The following IL1RAPL1 variants were observed in gnomAD, a reference collection of about 807,000 sequenced individuals.
The protein encoded by IL1RAPL1 is interleukin-1 receptor accessory protein-like 1.
A neutral mutation model predicts 48.4 loss-of-function variants in IL1RAPL1; 3 were observed. The observed-to-expected ratio is 0.06, with a 90% CI of 0.03 to 0.16. The LOEUF (loss-of-function observed/expected upper bound fraction) is 0.16, where lower values mean the gene tolerates loss of function less well. Among genes scored for constraint, IL1RAPL1 ranks in the 10% least tolerant of loss-of-function variants. The pLI is 1.00. For synonymous variants in IL1RAPL1, 185 were observed against 187.7 expected, an observed-to-expected ratio of 0.99 and a Z score of 0.12; for missense variants, 349 against 530.6, an observed-to-expected ratio of 0.66 and a Z score of 3.36.
At chrX:28,659,476 G>A (rs1182954443) in intron 1 of IL1RAPL1, 1 of 505,696 alleles carries the variant, frequency 2.0e-6, no homozygotes, top group Non-Finnish European at 3.6e-6. Context: ...CCATGATATA[G>A]AGACCTCCTT....
intron 5 of IL1RAPL1, among the ~76,000 whole-genome samples, chrX:29,586,278 C>T (rs1337545204): frequency 9.0e-6 from 1 of 111,236 alleles, no homozygotes; most frequent in Non-Finnish European, 1.9e-5. Flanking sequence ...ATCTAGTTTC[C>T]CCAATATCAT....
At chrX:29,161,395 G>A (rs1372042938) in intron 2 of IL1RAPL1, among the ~76,000 whole-genome samples, 1 of 111,932 alleles carries the variant, frequency 8.9e-6, no homozygotes, top group Non-Finnish European at 1.9e-5. Context: ...TGTTCCAATT[G>A]CTTGATGATT....
At chrX:29,356,807 G>A (rs892010080) in intron 3 of IL1RAPL1, among the ~76,000 whole-genome samples, 1 of 111,351 alleles carries the variant, frequency 9.0e-6, no homozygotes, top group Non-Finnish European at 1.9e-5. Flanking sequence ...CGTGTTATAG[G>A]TAAATATCTA....
At chrX:29,589,943 C>T (rs988948921) in intron 5 of IL1RAPL1, among the ~76,000 whole-genome samples, 2 of 110,871 alleles carry the variant, frequency 1.8e-5, no homozygotes, top group Non-Finnish European at 3.8e-5. Flanking sequence ...GAAGGGGGAG[C>T]GGACACGTCA....
At chrX:29,310,119 A>G (rs1569282277) in intron 3 of IL1RAPL1, among the ~76,000 whole-genome samples, 1 of 89,650 alleles carries the variant, frequency 1.1e-5, no homozygotes, top group East Asian at 3.3e-4. Context: ...AAAAAAAAAA[A>G]AAAAAAAAAA....
At chrX:29,208,900 C>T (rs1050905886) in intron 2 of IL1RAPL1, among the ~76,000 whole-genome samples, 1 of 109,823 alleles carries the variant, frequency 9.1e-6, no homozygotes, top group Non-Finnish European at 1.9e-5. Context: ...CATTTTTGGC[C>T]AACTTCCTGC....
intron 3 of IL1RAPL1, among the ~76,000 whole-genome samples, chrX:29,350,040 G>A (rs1481347576): frequency 9.5e-6 from 1 of 105,374 alleles, no homozygotes. Context: ...CACCTCTCCC[G>A]CTTCCAATGC....
At chrX:29,112,037 C>G (rs1262958746) in intron 2 of IL1RAPL1, among the ~76,000 whole-genome samples, 3 of 100,683 alleles carry the variant, frequency 3.0e-5, no homozygotes, top group Non-Finnish European at 5.9e-5. Flanking sequence ...TCAAGCGATT[C>G]TCTCACCTCT....
At chrX:28,688,044 C>A (rs1935132701) in intron 1 of IL1RAPL1, among the ~76,000 whole-genome samples, 1 of 96,189 alleles carries the variant, frequency 1.0e-5, no homozygotes, top group Non-Finnish European at 2.0e-5. Context: ...TTGGAGGTTG[C>A]AGTGAGCCGA....
chrX:29,704,509 A>T (rs944102228), intron 6 of IL1RAPL1, among the ~76,000 whole-genome samples: 2 of 110,154 alleles, frequency 1.8e-5, no homozygotes, highest in Non-Finnish European at 3.8e-5. Flanking sequence ...TCTTTACTAA[A>T]AATACAAGAA....
chrX:29,258,464 T>A (rs1931794543), intron 2 of IL1RAPL1, among the ~76,000 whole-genome samples: 1 of 111,561 alleles, frequency 9.0e-6, no homozygotes, highest in Admixed American at 9.6e-5. Context: ...CCATTTGTTT[T>A]ATACGACATT....
chrX:29,083,378 G>A (rs1927885149), intron 2 of IL1RAPL1, among the ~76,000 whole-genome samples: 1 of 111,859 alleles, frequency 8.9e-6, no homozygotes, highest in African/African-American at 3.2e-5. Context: ...GACCAAATTA[G>A]AAACCTATTT....
chrX:29,370,847 T>G (rs980200228), intron 3 of IL1RAPL1, among the ~76,000 whole-genome samples: 1 of 110,663 alleles, frequency 9.0e-6, no homozygotes, highest in East Asian at 2.8e-4. Flanking sequence ...TTGTATTTTC[T>G]TTTTCTCTTT....
chrX:28,762,776 GCA>G (rs1363073783), intron 1 of IL1RAPL1, among the ~76,000 whole-genome samples: 3 of 78,104 alleles, frequency 3.8e-5, no homozygotes, highest in Non-Finnish European at 6.8e-5. Flanking sequence ...AATCTAATAC[GCA>G]CGCGCGCGCA....
intron 2 of IL1RAPL1, among the ~76,000 whole-genome samples, chrX:28,898,433 TTG>T (rs1922988571): frequency 9.0e-6 from 1 of 111,605 alleles, no homozygotes; most frequent in Non-Finnish European, 1.9e-5. Context: ...GAGGTAATGT[TTG>T]TGTGTGGTGT....
Position 29,803,085 on chromosome X carries a change from G to A in IL1RAPL1, c.779-114379G>A, listed in dbSNP as rs1384505711. Among the ~76,000 whole-genome samples the A allele has an allele frequency of 1.8e-4, 15 of 81,254 alleles. 1 individual carries two copies. Among genetic ancestry groups the A allele is most frequent in the East Asian group, 7.8e-4 (2 of 2,574 alleles). 70.6% of individuals were successfully genotyped at this position (81,254 alleles called of 115,157 possible). On this transcript the variant is annotated intron_variant, in intron 6 of 10. Coordinates refer to ENST00000378993, the MANE Select transcript of IL1RAPL1 (RefSeq NM_014271.4). ...TATGTATGCATGTATACATATATGT[G>A]TATATGTATACATGTATACATATAT...
chrX:28,937,901 T>G (rs1235999504), intron 2 of IL1RAPL1, among the ~76,000 whole-genome samples: 1 of 111,092 alleles, frequency 9.0e-6, no homozygotes, highest in Non-Finnish European at 1.9e-5. Context: ...AAATCAGGAA[T>G]GTAATCCGTG....
intron 5 of IL1RAPL1, among the ~76,000 whole-genome samples, chrX:29,571,716 C>G (rs568091410): frequency 9.0e-6 from 1 of 111,416 alleles, no homozygotes; most frequent in Non-Finnish European, 1.9e-5. Flanking sequence ...CATACAGTTA[C>G]ATATTCTTTC....
chrX:29,734,832 A>G (rs781071789), intron 6 of IL1RAPL1, among the ~76,000 whole-genome samples: 3 of 111,451 alleles, frequency 2.7e-5, no homozygotes, highest in Non-Finnish European at 5.6e-5. Context: ...CTAAGGTTGT[A>G]TGAGAGATAT....
Sources: gnomAD v4.1 joint callset for allele counts (sites outside exome capture counted in the v4.1 genomes callset) on GRCh38, gnomAD v4.1.1 for gene constraint, MANE v1.5 for transcripts, NCBI Gene and HGNC (gene_info 2026-07-23, HGNC 2026-07-21) for gene names.